RPS6KC1: variants seen among roughly 807,000 people sequenced by gnomAD.
RPS6KC1 encodes inactive ribosomal protein S6 kinase delta-1.
A neutral mutation model predicts 103.8 loss-of-function variants in RPS6KC1; 54 were observed. That is an observed-to-expected ratio of 0.52 (90% CI 0.42 to 0.65). The LOEUF (loss-of-function observed/expected upper bound fraction) is 0.65. Among genes scored for constraint, RPS6KC1 ranks in the 30% least tolerant of loss-of-function variants. RPS6KC1 has a pLI of 0.00. For synonymous variants in RPS6KC1, 439 were observed against 438.7 expected (o/e 1.00, Z -0.01); for missense variants, 1,151 against 1,253.8 (o/e 0.92, Z 1.24).
At chr1:213,423,466 C>G in the RPS6KC1 span, among the ~76,000 whole-genome samples, 1 of 152,208 alleles carries the variant, frequency 6.6e-6, no homozygotes. Context: ...CTCATTTTGT[C>G]AGCTCATCGC....
the RPS6KC1 span, among the ~76,000 whole-genome samples, chr1:213,402,700 T>C: frequency 3.9e-5 from 6 of 152,098 alleles, no homozygotes; most frequent in African/African-American, 1.5e-4. Flanking sequence ...AACAGGTATG[T>C]GCCTGAGAAT....
At chr1:213,153,208 G>C (rs1487805485) in intron 6 of RPS6KC1, among the ~76,000 whole-genome samples, 3 of 151,780 alleles carry the variant, frequency 2.0e-5, no homozygotes, top group Non-Finnish European at 1.5e-5. Flanking sequence ...CAGCATGAGA[G>C]GGAGACCGTG....
At chr1:213,151,003 C>T (rs1349062974) in intron 6 of RPS6KC1, among the ~76,000 whole-genome samples, 1 of 144,296 alleles carries the variant, frequency 6.9e-6, no homozygotes. Flanking sequence ...CTGACCCCCC[C>T]CACCTCCCTC....
chr1:213,191,427 C>G (rs529087356), intron 8 of RPS6KC1, among the ~76,000 whole-genome samples: 7 of 152,044 alleles, frequency 4.6e-5, no homozygotes, highest in East Asian at 1.9e-4. Flanking sequence ...TTCTTGATTT[C>G]TTTTTCAGAT....
chr1:213,103,264 A>C (rs770421941), intron 3 of RPS6KC1, among the ~76,000 whole-genome samples: 9 of 152,064 alleles, frequency 5.9e-5, no homozygotes, highest in Non-Finnish European at 1.5e-5. Context: ...GGCTTTTAAA[A>C]GTTTTTGTTA....
chr1:213,109,715 G>A (rs2082833585), intron 4 of RPS6KC1, among the ~76,000 whole-genome samples: 1 of 152,028 alleles, frequency 6.6e-6, no homozygotes, highest in African/African-American at 2.4e-5. Context: ...TATTTGGGTT[G>A]TTCCCCTTTT....
At chr1:213,552,391 G>C in the RPS6KC1 span, among the ~76,000 whole-genome samples, 12 of 152,212 alleles carry the variant, frequency 7.9e-5, no homozygotes, top group Non-Finnish European at 1.3e-4. Context: ...GGTCTCGTCA[G>C]TGTTTTGGAT....
chr1:213,494,053 C>T, the RPS6KC1 span, among the ~76,000 whole-genome samples: 1 of 151,912 alleles, frequency 6.6e-6, no homozygotes, highest in Non-Finnish European at 1.5e-5. Context: ...TCTGATGCAC[C>T]CTAAATGTGA....
the RPS6KC1 span, among the ~76,000 whole-genome samples, chr1:213,514,962 C>G: frequency 6.6e-6 from 1 of 152,178 alleles, no homozygotes; most frequent in Non-Finnish European, 1.5e-5. Context: ...TTTTGATTTG[C>G]ATTTCTCTGA....
chr1:213,750,976 G>T, the RPS6KC1 span, among the ~76,000 whole-genome samples: 1 of 152,142 alleles, frequency 6.6e-6, no homozygotes, highest in African/African-American at 2.4e-5. Context: ...GTAAGTGAAG[G>T]AACTAAGTAA....
chr1:213,208,170 A>G (rs2093408480), intron 8 of RPS6KC1, among the ~76,000 whole-genome samples: 2 of 152,168 alleles, frequency 1.3e-5, no homozygotes, highest in Admixed American at 1.3e-4. Flanking sequence ...TCTCAAGTAC[A>G]AACACCTCAA....
chr1:213,319,312 C>CAG, the RPS6KC1 span, among the ~76,000 whole-genome samples: 1 of 90,566 alleles, frequency 1.1e-5, no homozygotes, highest in Admixed American at 1.5e-4. Flanking sequence ...GACTCTGTCT[C>CAG]AAAAAAAAAA....
chr1:213,519,084 G>A, the RPS6KC1 span, among the ~76,000 whole-genome samples: 1 of 152,234 alleles, frequency 6.6e-6, no homozygotes, highest in East Asian at 1.9e-4. Flanking sequence ...GGGCAAGCAA[G>A]TGGGAAAAAT....
chr1:213,380,629 G>A, the RPS6KC1 span, among the ~76,000 whole-genome samples: 5 of 152,302 alleles, frequency 3.3e-5, no homozygotes, highest in Middle Eastern at 3.4e-3. Context: ...TATACAATGT[G>A]TATATTTATC....
At chr1:213,844,379 C>T in the RPS6KC1 span, among the ~76,000 whole-genome samples, 3 of 152,242 alleles carry the variant, frequency 2.0e-5, no homozygotes, top group South Asian at 6.2e-4. Context: ...CTGATTCAAG[C>T]CAGCTTTTAT....
the RPS6KC1 span, chr1:213,819,217 C>T: frequency 6.6e-6 from 1 of 152,288 alleles, no homozygotes; most frequent in Non-Finnish European, 1.5e-5. Context: ...CCTCCAGTTT[C>T]TCCCACTGCT....
intron 3 of RPS6KC1, among the ~76,000 whole-genome samples, chr1:213,079,453 C>G (rs2079653135): frequency 6.6e-6 from 1 of 152,118 alleles, no homozygotes; most frequent in Non-Finnish European, 1.5e-5. Flanking sequence ...GAGTATCACT[C>G]TGTCACCTAG....
intron 3 of RPS6KC1, among the ~76,000 whole-genome samples, chr1:213,092,990 A>C (rs1449360981): frequency 6.6e-6 from 1 of 152,022 alleles, no homozygotes; most frequent in Non-Finnish European, 1.5e-5. Context: ...AAATTGGTTG[A>C]AGTTCTTAGC....
chr1:213,476,510 T>A, the RPS6KC1 span, among the ~76,000 whole-genome samples: 5 of 152,202 alleles, frequency 3.3e-5, no homozygotes, highest in African/African-American at 1.2e-4. Flanking sequence ...CTCCCCTTTA[T>A]AAATCTTTCC....
Sources: gnomAD v4.1 joint callset for allele counts (sites outside exome capture counted in the v4.1 genomes callset) on GRCh38, gnomAD v4.1.1 for gene constraint, MANE v1.5 for transcripts, NCBI Gene and HGNC (gene_info 2026-07-23, HGNC 2026-07-21) for gene names.